The following HTR4 variants were observed in gnomAD, a reference collection of about 807,000 sequenced individuals.
HTR4 encodes the protein 5-hydroxytryptamine receptor 4, also known as 5-hydroxytryptamine (serotonin) receptor 4, G protein-coupled.
Under a neutral mutation model 36.8 loss-of-function variants are expected in HTR4, and 16 were observed. The observed-to-expected ratio is 0.43, with a 90% CI of 0.29 to 0.66. The LOEUF is 0.66. Ranked by LOEUF, HTR4 falls within the 30% of genes least tolerant of loss-of-function variation. The probability of loss-of-function intolerance (pLI) is 0.13; values close to 1 mark genes in which losing one functional copy is unlikely to be tolerated. For synonymous variants in HTR4, 189 were observed against 185.1 expected (o/e 1.02, Z -0.17); for missense variants, 438 against 490.9 (o/e 0.89, Z 1.02).
chr5:148,527,664 T>A (rs1581427884), intron 4 of HTR4, among the ~76,000 whole-genome samples: 1 of 147,400 alleles, frequency 6.8e-6, no homozygotes, highest in Admixed American at 6.9e-5. Flanking sequence ...TTGCCCGGGC[T>A]GAGGTGCTTA....
At chr5:148,530,987 T>C (rs548402992) in intron 4 of HTR4, among the ~76,000 whole-genome samples, 70 of 152,314 alleles carry the variant, frequency 4.6e-4, no homozygotes, top group Admixed American at 9.8e-4. Flanking sequence ...ATTTCTTCCA[T>C]TTGGAATGGC....
chr5:148,597,936 A>G (rs919997718), intron 2 of HTR4, among the ~76,000 whole-genome samples: 2 of 152,224 alleles, frequency 1.3e-5, no homozygotes, highest in African/African-American at 4.8e-5. Context: ...GAGCAAATGG[A>G]TTTTTAAAAG....
chr5:148,525,275 G>A (rs1216743936), intron 4 of HTR4, among the ~76,000 whole-genome samples: 1 of 152,088 alleles, frequency 6.6e-6, no homozygotes, highest in Admixed American at 6.6e-5. Flanking sequence ...ATCATCAGAG[G>A]TTTATTATTA....
intron 4 of HTR4, among the ~76,000 whole-genome samples, chr5:148,536,870 A>T (rs1234539569): frequency 2.6e-5 from 4 of 152,146 alleles, no homozygotes; most frequent in Non-Finnish European, 5.9e-5. Flanking sequence ...ACCTGAACTC[A>T]ACATTGACCA....
At chr5:148,524,194 C>A (rs1162459055) in intron 4 of HTR4, among the ~76,000 whole-genome samples, 1 of 152,108 alleles carries the variant, frequency 6.6e-6, no homozygotes, top group Non-Finnish European at 1.5e-5. Context: ...GTTAAGGATA[C>A]TCAGTTTCCT....
At chr5:148,548,044 T>C (rs900485384) in intron 4 of HTR4, among the ~76,000 whole-genome samples, 4 of 152,080 alleles carry the variant, frequency 2.6e-5, no homozygotes, top group Non-Finnish European at 2.9e-5. Flanking sequence ...CTGCAACAAA[T>C]GAGGCAAAGA....
chr5:148,481,648 G>C lies in HTR4; in HGVS notation c.*1555C>G, dbSNP rs755494029. The C allele has an allele frequency of 6.7e-7, 1 of 1,496,840 alleles. No homozygotes were observed. The highest frequency in any genetic ancestry group is 8.8e-7 in the Non-Finnish European group (1 of 1,135,780). 92.7% of individuals were successfully genotyped at this position (1,496,840 alleles called of 1,614,324 possible). A position where few individuals can be genotyped will look rare whatever the true frequency, so the allele number is the denominator to read the frequency against. Reference sequence around the variant, plus strand: ...TCCAGAACTAAAGTAAACAACAATGGAAACAATAACTGACACCTTATAAGC... The same window carrying C: ...TCCAGAACTAAAGTAAACAACAATGCAAACAATAACTGACACCTTATAAGC... On this transcript the variant is annotated 3_prime_UTR_variant, in exon 7 of 7. Transcript: ENST00000377888.
rs574104117 is a variant in HTR4, at chr5:148,466,857, G to A, written c.1077-15585C>T. Among the ~76,000 whole-genome samples the A allele has an allele frequency of 2.6e-5, 4 of 152,176 alleles. No individual in the cohort carries two copies. In the South Asian group the frequency reaches 8.3e-4, roughly 32 times the overall value. ...TTCTTCCTTCAACTTGATTTGTCTT[G>A]TATTTCATTAGCCTGATGATATGCC... On this transcript the variant is annotated intron_variant, in intron 5 of 5. Coordinates refer to the HTR4 transcript ENST00000521530.
intron 2 of HTR4, chr5:148,628,628 A>G (rs2127298759): frequency 6.6e-6 from 1 of 152,316 alleles, no homozygotes; most frequent in African/African-American, 2.4e-5. Flanking sequence ...GTCTCAGGTT[A>G]ATCACTTATT....
At chr5:148,514,400 T>C (rs1012836339) in intron 5 of HTR4, among the ~76,000 whole-genome samples, 1 of 152,296 alleles carries the variant, frequency 6.6e-6, no homozygotes, top group African/African-American at 2.4e-5. Context: ...TGCAATGAAT[T>C]ACATTGATTG....
At chr5:148,646,564 C>G (rs1361066401) in intron 1 of HTR4, among the ~76,000 whole-genome samples, 1 of 152,118 alleles carries the variant, frequency 6.6e-6, no homozygotes, top group African/African-American at 2.4e-5. Context: ...ATGTCACCTC[C>G]CCAAAGGCTG....
intron 4 of HTR4, among the ~76,000 whole-genome samples, chr5:148,526,826 G>C (rs983073313): frequency 1.3e-5 from 2 of 152,060 alleles, no homozygotes; most frequent in African/African-American, 4.8e-5. Flanking sequence ...TAAGAAAATT[G>C]ATCTCATGGA....
chr5:148,514,679 G>A (rs10050768), intron 5 of HTR4, among the ~76,000 whole-genome samples: 8,022 of 151,996 alleles, frequency 0.053, 659 homozygotes, highest in African/African-American at 0.18. Context: ...TCACAAACAT[G>A]CTATTTTATT....
chr5:148,526,920 A>G (rs1370361134), intron 4 of HTR4, among the ~76,000 whole-genome samples: 1 of 152,206 alleles, frequency 6.6e-6, no homozygotes, highest in Non-Finnish European at 1.5e-5. Context: ...GAATGCATAC[A>G]AAAATACAAT....
chr5:148,601,336 G>A (rs1761989166), intron 2 of HTR4, among the ~76,000 whole-genome samples: 1 of 152,124 alleles, frequency 6.6e-6, no homozygotes, highest in African/African-American at 2.4e-5. Context: ...TCCTACTTCT[G>A]TGTATTTATC....
intron 2 of HTR4, among the ~76,000 whole-genome samples, chr5:148,556,702 A>AT (rs1180096783): frequency 3.3e-5 from 5 of 152,006 alleles, no homozygotes; most frequent in Admixed American, 6.6e-5. Context: ...GCAGATTCTG[A>AT]TTTTTTTTAG....
At chr5:148,569,491 C>A (rs1760587527) in intron 2 of HTR4, among the ~76,000 whole-genome samples, 1 of 151,968 alleles carries the variant, frequency 6.6e-6, no homozygotes, top group Non-Finnish European at 1.5e-5. Flanking sequence ...ATGTCCTGTG[C>A]ATGTATCCTG....
chr5:148,521,102 A>T, intron 5 of HTR4: 1 of 1,118,818 alleles, frequency 8.9e-7, no homozygotes, highest in Non-Finnish European at 1.2e-6. Flanking sequence ...TCCGGGGACC[A>T]CTTCTACAGC....
chr5:148,624,654 T>C, intron 2 of HTR4, among the ~76,000 whole-genome samples: 1 of 152,196 alleles, frequency 6.6e-6, no homozygotes, highest in Non-Finnish European at 1.5e-5. Flanking sequence ...TTGTGTTCTT[T>C]TCACTCTCCC....
Sources: allele counts gnomAD v4.1 joint callset (sites outside exome capture counted in the v4.1 genomes callset), GRCh38; gene constraint gnomAD v4.1.1; transcripts MANE v1.5; gene names NCBI Gene and HGNC (gene_info 2026-07-23, HGNC 2026-07-21).